TMEM43: variants seen among roughly 807,000 people sequenced by gnomAD.
The protein encoded by TMEM43 is transmembrane protein 43, also known as arrhythmogenic right ventricular dysplasia 5.
Under a neutral mutation model 49.6 loss-of-function variants are expected in TMEM43, and 45 were observed. The observed-to-expected ratio is 0.91, with a 90% confidence interval of 0.71 to 1.16. The LOEUF is 1.16. TMEM43 is among the 50% of genes most tolerant of loss of function. The pLI, the probability that TMEM43 is intolerant of heterozygous loss-of-function variation, is 0.00. For synonymous variants in TMEM43, 199 were observed against 207.8 expected (o/e 0.96, Z 0.36); for missense variants, 532 against 516.6 (o/e 1.03, Z -0.29).
At chr3:14,137,488 A>T (rs911468849) in intron 10 of TMEM43, among the ~76,000 whole-genome samples, 1 of 151,338 alleles carries the variant, frequency 6.6e-6, no homozygotes, top group Non-Finnish European at 1.5e-5. Context: ...CCTGCTGCTT[A>T]GCAGCCCCAA....
chr3:14,135,926 C>T lies in TMEM43; in HGVS notation c.882+18C>T, dbSNP rs1695163911. The T allele has an allele frequency of 6.3e-7, 1 of 1,599,702 alleles. No individual in the cohort carries two copies. Reference sequence around the variant, plus strand: ...CAGCAGAGGTGAGTGCTGTGCCCTACTCGTACGGTGGAGGAACAAGCATGT... The same window carrying T: ...CAGCAGAGGTGAGTGCTGTGCCCTATTCGTACGGTGGAGGAACAAGCATGT... On this transcript the variant is annotated intron_variant, in intron 10 of 11. Transcript: ENST00000306077.
intron 10 of TMEM43, among the ~76,000 whole-genome samples, chr3:14,136,453 C>T (rs577703803): frequency 1.3e-5 from 2 of 152,286 alleles, no homozygotes; most frequent in East Asian, 1.9e-4. Flanking sequence ...ACTGATGCAT[C>T]GTGCCGAGTG....
rs891963471 is a variant in TMEM43 at position 14,142,384 on chromosome 3, T to C, written c.*589T>C. The stretch of plus-strand genomic sequence containing the variant: ...TTTAAAAGAGAAGAAACACTGAAGA[T>C]GTCCTGAGGAGAAAAGCTGGACATA... On this transcript the variant is annotated 3_prime_UTR_variant, in exon 12 of 12. Transcript: ENST00000306077. 6.3e-6 allele frequency: 1 copy of C among 158,536 alleles called. No individual in the cohort carries two copies. The highest frequency in any genetic ancestry group is 2.4e-5 in the African/African-American group (1 of 41,522). The allele number at this position is 158,536 out of a possible 1,614,324, so 9.8% of individuals were successfully genotyped here. A position where few individuals can be genotyped will look rare whatever the true frequency, so the allele number is the denominator to read the frequency against.
chr3:14,126,184 G>T (rs1695018841), intron 1 of TMEM43, among the ~76,000 whole-genome samples: 1 of 152,130 alleles, frequency 6.6e-6, no homozygotes, highest in Non-Finnish European at 1.5e-5. Context: ...ACTTTGTCTC[G>T]GGTTAGTATC....
In TMEM43 at chr3:14,135,893, G is replaced by A. The variant is rs1695163430; in HGVS notation, c.867G>A (p.Gly289=). The A allele has an allele frequency of 6.2e-7, 1 of 1,614,160 alleles. No homozygotes were observed. The highest frequency in any genetic ancestry group is 8.5e-7 in the Non-Finnish European group (1 of 1,180,004). The part of the protein sequence containing the change: ...SGDTLLLLHH[G]DFSAEEVFHR... ...ATACCTTACTGCTCCTGCACCACGG[G>A]GACTTCTCAGCAGAGGTGAGTGCTG... The change falls in exon 10 of 12, where the codon GGG becomes GGA. Residue 289 remains glycine, a synonymous_variant. Coordinates refer to ENST00000306077, the MANE Select transcript of TMEM43 (RefSeq NM_024334.3).
intron 9 of TMEM43, 113 bp downstream of exon 9, chr3:14,135,345 C>T: frequency 1.2e-6 from 1 of 829,090 alleles, no homozygotes; most frequent in Non-Finnish European, 2.0e-6. Context: ...TGGGGAAAGG[C>T]ACACTCTCGC....
chr3:14,132,833 C>G, intron 5 of TMEM43, 33 bp from the exon 6 acceptor site: 1 of 1,608,868 alleles, frequency 6.2e-7, no homozygotes, highest in Non-Finnish European at 8.5e-7. Context: ...CCACTCCTAC[C>G]CGGGCTCTGA....
intron 2 of TMEM43, among the ~76,000 whole-genome samples, chr3:14,130,071 T>C (rs1332361226): frequency 1.3e-5 from 2 of 148,812 alleles, no homozygotes; most frequent in East Asian, 4.1e-4. Flanking sequence ...GTCTCTCTCT[T>C]TCTCTCTTTC....
chr3:14,127,052 A>G (rs1427647527), intron 1 of TMEM43, among the ~76,000 whole-genome samples: 3 of 151,848 alleles, frequency 2.0e-5, no homozygotes, highest in Admixed American at 1.3e-4. Context: ...TGTTCCCACC[A>G]CTCATTGCTC....
intron 10 of TMEM43, chr3:14,137,835 C>T (rs1695189741): frequency 6.6e-6 from 1 of 152,252 alleles, no homozygotes; most frequent in Admixed American, 6.5e-5. Context: ...AGCAAGTTTT[C>T]ATTGAACACC....
chr3:14,132,368 G>T (rs1695107896), intron 4 of TMEM43, among the ~76,000 whole-genome samples, 178 bp from the exon 5 acceptor site: 1 of 152,218 alleles, frequency 6.6e-6, no homozygotes, highest in Non-Finnish European at 1.5e-5. Context: ...TGGAGGGCAG[G>T]AGCTGGCTGT....
intron 10 of TMEM43, among the ~76,000 whole-genome samples, chr3:14,138,572 AGGAGGTGGT>A (rs1695205974): frequency 6.6e-6 from 1 of 152,116 alleles, no homozygotes; most frequent in Non-Finnish European, 1.5e-5. Context: ...GGAAATGTCA[AGGAGGTGGT>A]GGAGGTGGTG....
intron 1 of TMEM43, among the ~76,000 whole-genome samples, chr3:14,126,979 C>T (rs529505912): frequency 1.4e-3 from 220 of 152,216 alleles, no homozygotes; most frequent in Middle Eastern, 6.8e-3. Flanking sequence ...ACACAGCAAG[C>T]GATTGGTGAA....
chr3:14,131,723 G>A, intron 4 of TMEM43, 49 bp downstream of exon 4: 1 of 1,351,184 alleles, frequency 7.4e-7, no homozygotes, highest in Non-Finnish European at 1.1e-6. Context: ...GGAGTGAAGT[G>A]TAGGTGTCAG....
intron 7 of TMEM43, 34 bp downstream of exon 7, chr3:14,133,843 CAGA>C: frequency 6.2e-7 from 1 of 1,603,244 alleles, no homozygotes; most frequent in Non-Finnish European, 8.5e-7. Flanking sequence ...GAGCTCGTGC[CAGA>C]AGCACAAGGC....
At chr3:14,134,994 G>A in intron 8 of TMEM43, 103 bp downstream of exon 8, 1 of 1,574,216 alleles carries the variant, frequency 6.4e-7, no homozygotes, top group Non-Finnish European at 8.7e-7. Context: ...AGCTGCACTT[G>A]GCCAAGTGCA....
At position 14,130,903 on chromosome 3, in the gene TMEM43, C is replaced by G. The variant is rs148171303; in HGVS notation, c.244C>G (p.Pro82Ala). The stretch of plus-strand genomic sequence containing the variant: ...TCCCGACAGCATCCACAGTGTGGCT[C>G]CGGAGAATGAAGGAAGGCTGGTGCA... Reference protein sequence around the residue: ...VSPDSIHSVAPENEGRLVHII... With the variant: ...VSPDSIHSVAAENEGRLVHII... Residue 82 changes from proline (P) to alanine (A), a missense_variant, in exon 3 of 12, where the codon CCG (proline) becomes GCG (alanine). Physicochemically the swap from Pro to Ala is conservative, Grantham distance 27 (BLOSUM62 -1). Coordinates refer to ENST00000306077, the MANE Select transcript of TMEM43 (RefSeq NM_024334.3). 3.0e-5 allele frequency: 48 copies of G among 1,613,456 alleles called. No individual in the cohort carries two copies. Among genetic ancestry groups the G allele is most frequent in the Non-Finnish European group, 3.9e-5 (46 of 1,179,650 alleles).
At chr3:14,130,624 G>A (rs184913026) in intron 2 of TMEM43, among the ~76,000 whole-genome samples, 198 bp from the exon 3 acceptor site, 8 of 152,292 alleles carry the variant, frequency 5.3e-5, no homozygotes, top group African/African-American at 1.9e-4. Context: ...GCAGTAGGAA[G>A]AAGTCTCCCT....
intron 11 of TMEM43, 49 bp downstream of exon 11, chr3:14,139,346 C>G: frequency 7.7e-7 from 1 of 1,294,728 alleles, no homozygotes; most frequent in South Asian, 1.2e-5. Context: ...CCTGAAAGGG[C>G]CTCCTCTGCC....
Sources: allele counts gnomAD v4.1 joint callset (sites outside exome capture counted in the v4.1 genomes callset), GRCh38; gene constraint gnomAD v4.1.1; transcripts MANE v1.5; gene names NCBI Gene and HGNC (gene_info 2026-07-23, HGNC 2026-07-21).